Variants in AFF1 observed in about 807,000 individuals in gnomAD.
The protein encoded by AFF1 is AF4/FMR2 family member 1.
In AFF1, 48 loss-of-function variants were observed where a neutral mutation model predicts 121.7. That is an observed-to-expected ratio of 0.39 (90% CI 0.31 to 0.50). The LOEUF is 0.50. AFF1 is among the 20% of genes least tolerant of loss of function. The probability of loss-of-function intolerance (pLI) is 0.76; values close to 1 mark genes in which losing one functional copy is unlikely to be tolerated. For synonymous variants in AFF1, 613 were observed against 563.0 expected, an observed-to-expected ratio of 1.09 and a Z score of -1.26; for missense variants, 1,523 against 1,511.7, an observed-to-expected ratio of 1.01 and a Z score of -0.12.
intron 17 of AFF1, among the ~76,000 whole-genome samples, 185 bp downstream of exon 17, chr4:87,131,404 T>G (rs1256468026): frequency 1.3e-5 from 2 of 152,270 alleles, no homozygotes; most frequent in Non-Finnish European, 2.9e-5. Flanking sequence ...ACAGAATAAC[T>G]GGGTCCAACT....
chr4:86,946,449 C>T (rs910805086), intron 1 of AFF1, among the ~76,000 whole-genome samples: 1 of 138,022 alleles, frequency 7.2e-6, no homozygotes. Context: ...CCTACATCAC[C>T]CCCACCCCCC....
Position 87,135,721 on chromosome 4 carries a change from A to C in AFF1, c.*20A>C. 6.2e-7 allele frequency: 1 copy of C among 1,606,204 alleles called. No homozygotes were observed. Among genetic ancestry groups the C allele is most frequent in the Non-Finnish European group, 8.5e-7 (1 of 1,176,154 alleles). ...CCTTAATGGAGCCCCAGGTTGATTC[A>C]ATGCCTTGGGAACTATTTTTGCACA... On this transcript the variant is annotated 3_prime_UTR_variant, in exon 21 of 21. Transcript: ENST00000395146.
intron 2 of AFF1, among the ~76,000 whole-genome samples, chr4:86,958,091 C>CTTT (rs36035943): frequency 1.9e-5 from 2 of 107,106 alleles, no homozygotes; most frequent in East Asian, 2.5e-4. Flanking sequence ...TTTTTTTTTC[C>CTTT]TTTTTTTTTT....
chr4:87,116,646 T>C (rs1727152090), intron 12 of AFF1, among the ~76,000 whole-genome samples: 1 of 152,204 alleles, frequency 6.6e-6, no homozygotes, highest in Non-Finnish European at 1.5e-5. Flanking sequence ...TACCGAATAG[T>C]AAAGGGCGAC....
At chr4:86,956,574 A>T (rs1721756160) in intron 2 of AFF1, among the ~76,000 whole-genome samples, 1 of 152,172 alleles carries the variant, frequency 6.6e-6, no homozygotes. Context: ...AGATGGAACT[A>T]CCTGTTTACA....
intron 2 of AFF1, among the ~76,000 whole-genome samples, chr4:87,027,887 G>A (rs1309831296): frequency 6.9e-6 from 1 of 144,280 alleles, no homozygotes; most frequent in Non-Finnish European, 1.5e-5. Context: ...TCTGCCTCCT[G>A]GGGTTCAAGT....
chr4:87,105,186 A>G (rs971081868), intron 8 of AFF1, among the ~76,000 whole-genome samples: 1 of 152,206 alleles, frequency 6.6e-6, no homozygotes, highest in African/African-American at 2.4e-5. Flanking sequence ...TTAATGGCTA[A>G]CTACTTTAGT....
rs76902134 is a variant in AFF1, at chr4:86,988,108, G to A, written c.38+39537G>A. 4.1e-3 allele frequency among the ~76,000 whole-genome samples: 594 copies of A among 145,478 alleles called. 3 individuals carry two copies. The highest frequency in any genetic ancestry group is 0.014 in the African/African-American group (557 of 39,306). On this transcript the variant is annotated intron_variant, in intron 2 of 20. Transcript: ENST00000395146. The stretch of plus-strand genomic sequence containing the variant: ...TATACATTAGATACATTTATACAAT[G>A]TGTAATGATTAAATCAGGGCAGGGC...
intron 11 of AFF1, among the ~76,000 whole-genome samples, chr4:87,111,943 G>T (rs182888272): frequency 2.0e-5 from 3 of 152,160 alleles, no homozygotes; most frequent in Non-Finnish European, 4.4e-5. Context: ...TTGAGGGTTG[G>T]GGGGGAAACC....
chr4:87,113,309 T>C (rs1028834358), intron 11 of AFF1, among the ~76,000 whole-genome samples: 1 of 151,976 alleles, frequency 6.6e-6, no homozygotes, highest in African/African-American at 2.4e-5. Flanking sequence ...TTGAGACCAA[T>C]GTGTCACTCT....
At chr4:87,027,216 T>C (rs750528848) in intron 2 of AFF1, among the ~76,000 whole-genome samples, 4 of 152,214 alleles carry the variant, frequency 2.6e-5, no homozygotes, top group Non-Finnish European at 4.4e-5. Flanking sequence ...TACAAATGTA[T>C]GCATGTGTCT....
At chr4:87,076,804 A>T (rs1722717124) in intron 4 of AFF1, among the ~76,000 whole-genome samples, 1 of 152,242 alleles carries the variant, frequency 6.6e-6, no homozygotes, top group African/African-American at 2.4e-5. Flanking sequence ...TGAAAGTAGA[A>T]TTACTGCTGG....
At chr4:86,969,897 AGG>A (rs1379317434) in intron 2 of AFF1, among the ~76,000 whole-genome samples, 4 of 145,560 alleles carry the variant, frequency 2.7e-5, no homozygotes, top group Non-Finnish European at 4.5e-5. Flanking sequence ...AAAAAAAAAA[AGG>A]TAAGATAGTT....
intron 12 of AFF1, among the ~76,000 whole-genome samples, chr4:87,115,776 T>G (rs1013929645): frequency 2.0e-5 from 3 of 151,710 alleles, no homozygotes; most frequent in Middle Eastern, 3.2e-3. Context: ...ACCCGGCTAA[T>G]TTTTGTATTT....
At chr4:86,976,453 G>A (rs1024818029) in intron 2 of AFF1, among the ~76,000 whole-genome samples, 21 of 152,082 alleles carry the variant, frequency 1.4e-4, no homozygotes, top group African/African-American at 4.6e-4. Flanking sequence ...AAAAGAATGA[G>A]ATCATGTCCT....
intron 17 of AFF1, 21 bp from the exon 18 acceptor site, chr4:87,131,772 T>C (rs1478802088): frequency 4.5e-6 from 7 of 1,561,140 alleles, no homozygotes; most frequent in Non-Finnish European, 4.4e-6. Context: ...AAACCTGATG[T>C]ACTTTTATAT....
chr4:87,056,835 A>G (rs756062005), intron 4 of AFF1, among the ~76,000 whole-genome samples: 2 of 152,214 alleles, frequency 1.3e-5, no homozygotes, highest in Non-Finnish European at 2.9e-5. Context: ...TGTTCACTTT[A>G]TGATGAAAAC....
chr4:87,114,350 TCTTTC>T lies in AFF1; in HGVS notation c.1534-13_1534-9del, dbSNP rs773133447. 9 of 1,573,890 alleles carry T rather than the reference TCTTTC, an allele frequency of 5.7e-6. No individual in the cohort carries two copies. The African/African-American group carries it at 1.2e-4, about 22-fold the overall frequency. On this transcript the variant is annotated splice_polypyrimidine_tract_variant and intron_variant, in intron 11 of 20. Transcript: ENST00000395146. ...TCAATGGTCAGTTAACACTTTTCTT[TCTTTC>T]CTTATTTTTAGCCTGAGCCTCCAAC...
intron 2 of AFF1, among the ~76,000 whole-genome samples, chr4:86,986,712 A>G (rs2091499093): frequency 1.3e-5 from 2 of 152,178 alleles, no homozygotes; most frequent in South Asian, 4.1e-4. Context: ...GGCTCTGAAC[A>G]CACTAATGAA....
Sources: allele counts gnomAD v4.1 joint callset (sites outside exome capture counted in the v4.1 genomes callset), GRCh38; gene constraint gnomAD v4.1.1; transcripts MANE v1.5; gene names NCBI Gene and HGNC (gene_info 2026-07-23, HGNC 2026-07-21).